Variants in UBE2H observed in about 807,000 individuals in gnomAD.
UBE2H encodes ubiquitin-conjugating enzyme E2 H.
In UBE2H, 3 loss-of-function variants were observed where a neutral mutation model predicts 29.0. That is an observed-to-expected ratio of 0.10 (90% CI 0.05 to 0.27). The LOEUF (loss-of-function observed/expected upper bound fraction) is 0.27. Ranked by LOEUF, UBE2H falls within the 10% of genes least tolerant of loss-of-function variation. UBE2H has a pLI of 1.00. For missense variants in UBE2H, 68 were observed against 228.2 expected (o/e 0.30, Z 4.52); for synonymous variants, 69 against 82.9 (o/e 0.83, Z 0.91).
intron 1 of UBE2H, among the ~76,000 whole-genome samples, chr7:129,930,894 C>G (rs62491534): frequency 1.1e-5 from 1 of 94,982 alleles, no homozygotes; most frequent in Non-Finnish European, 2.0e-5. Flanking sequence ...GGTGAGAGAG[C>G]GAGACCCCGT....
chr7:129,862,507 C>T (rs1805821003), intron 3 of UBE2H, among the ~76,000 whole-genome samples: 1 of 151,994 alleles, frequency 6.6e-6, no homozygotes, highest in South Asian at 2.1e-4. Flanking sequence ...AGGAGGAAAA[C>T]AGAAATGGAA....
At chr7:129,845,751 G>C (rs1368853928) in intron 5 of UBE2H, among the ~76,000 whole-genome samples, 2 of 152,228 alleles carry the variant, frequency 1.3e-5, no homozygotes, top group Admixed American at 6.5e-5. Context: ...AAATCTAAAA[G>C]ACCACAAGTC....
At chr7:129,839,705 G>GT in intron 5 of UBE2H, 5 of 242,580 alleles carry the variant, frequency 2.1e-5, no homozygotes, top group South Asian at 8.9e-5. Context: ...TTTTTGTGGG[G>GT]TTTTTTTGTT....
chr7:129,924,512 G>C (rs1010327205), intron 1 of UBE2H, among the ~76,000 whole-genome samples: 1 of 152,014 alleles, frequency 6.6e-6, no homozygotes, highest in African/African-American at 2.4e-5. Flanking sequence ...TCTGCAAAGA[G>C]AATAAGATTC....
intron 1 of UBE2H, among the ~76,000 whole-genome samples, chr7:129,946,080 T>C (rs1364120099): frequency 3.4e-5 from 5 of 149,196 alleles, no homozygotes; most frequent in African/African-American, 1.2e-4. Context: ...TGAGACGAAG[T>C]CTCACTCTGT....
chr7:129,902,414 T>A (rs945244121), intron 1 of UBE2H, among the ~76,000 whole-genome samples: 1 of 152,116 alleles, frequency 6.6e-6, no homozygotes, highest in Admixed American at 6.5e-5. Flanking sequence ...GGCAGGAGAA[T>A]CGCTTGGACC....
At chr7:129,857,190 TA>T (rs1457883526) in intron 5 of UBE2H, 1 of 240,210 alleles carries the variant, frequency 4.2e-6, no homozygotes, top group Non-Finnish European at 8.0e-6. Context: ...CCAAAATATG[TA>T]TATATTATGT....
At chr7:129,840,867 G>T (rs1298626627) in intron 5 of UBE2H, among the ~76,000 whole-genome samples, 1 of 152,190 alleles carries the variant, frequency 6.6e-6, no homozygotes, top group African/African-American at 2.4e-5. Flanking sequence ...TATTACAGAT[G>T]AATGCTTTGC....
intron 3 of UBE2H, among the ~76,000 whole-genome samples, chr7:129,866,281 T>A (rs1320054023): frequency 6.6e-6 from 1 of 152,094 alleles, no homozygotes; most frequent in Non-Finnish European, 1.5e-5. Context: ...TAATATAGAG[T>A]CTGAGGAATG....
intron 3 of UBE2H, among the ~76,000 whole-genome samples, chr7:129,874,589 G>A (rs1465583204): frequency 2.0e-5 from 3 of 152,174 alleles, no homozygotes; most frequent in Non-Finnish European, 2.9e-5. Context: ...GATTACTGGC[G>A]TGAGCCACCA....
chr7:129,918,162 CAAG>C (rs1789205758), intron 1 of UBE2H, among the ~76,000 whole-genome samples: 1 of 152,154 alleles, frequency 6.6e-6, no homozygotes, highest in Non-Finnish European at 1.5e-5. Flanking sequence ...CCAAAAGCTG[CAAG>C]AAGTCCAAAG....
chr7:129,922,354 C>T lies in UBE2H; in HGVS notation c.53+30149G>A, dbSNP rs182678533. On this transcript the variant is annotated intron_variant, in intron 1 of 6. Transcript: ENST00000355621. ...AGGCTGGAATGCAATGGCATGATCT[C>T]GGCTCACTGTAACCTCTGCCTCTTG... 8.5e-5 allele frequency among the ~76,000 whole-genome samples: 13 copies of T among 152,142 alleles called. No homozygotes were observed. The East Asian group carries it at 2.1e-3, about 25-fold the overall frequency.
chr7:129,878,466 G>A (rs948140100), intron 3 of UBE2H, among the ~76,000 whole-genome samples: 22 of 151,848 alleles, frequency 1.4e-4, no homozygotes, highest in African/African-American at 4.1e-4. Context: ...GGCGGATCAC[G>A]AGGTCAGGAG....
intron 2 of UBE2H, 23 bp downstream of exon 2, chr7:129,880,872 C>T: frequency 6.3e-7 from 1 of 1,589,494 alleles, no homozygotes; most frequent in Non-Finnish European, 8.6e-7. Context: ...AATAGAAGAA[C>T]ACATACCAAC....
At chr7:129,887,929 T>G (rs1234763590) in intron 1 of UBE2H, among the ~76,000 whole-genome samples, 2 of 151,944 alleles carry the variant, frequency 1.3e-5, no homozygotes, top group Non-Finnish European at 2.9e-5. Flanking sequence ...ACCAAAGACT[T>G]TACATTGAAA....
At chr7:129,949,219 A>T in intron 1 of UBE2H, 1 of 319,856 alleles carries the variant, frequency 3.1e-6, no homozygotes, top group South Asian at 2.5e-5. Context: ...GGAGAACTTA[A>T]ACCGATATTC....
intron 1 of UBE2H, among the ~76,000 whole-genome samples, chr7:129,937,733 A>G (rs1289910368): frequency 6.6e-6 from 1 of 152,190 alleles, no homozygotes; most frequent in Non-Finnish European, 1.5e-5. Context: ...CAACCATAAA[A>G]CCAACCTAAC....
At chr7:129,884,979 ATTGT>A (rs932430882) in intron 1 of UBE2H, among the ~76,000 whole-genome samples, 2 of 151,778 alleles carry the variant, frequency 1.3e-5, no homozygotes, top group African/African-American at 4.8e-5. Flanking sequence ...AGGCAGGAAG[ATTGT>A]TTGAGCCTAG....
chr7:129,950,002 C>G (rs1177839734), intron 1 of UBE2H, among the ~76,000 whole-genome samples: 1 of 152,184 alleles, frequency 6.6e-6, no homozygotes, highest in Non-Finnish European at 1.5e-5. Flanking sequence ...CAATTGTACT[C>G]ATTTTAGTAG....
Sources: gnomAD v4.1 joint callset for allele counts (sites outside exome capture counted in the v4.1 genomes callset) on GRCh38, gnomAD v4.1.1 for gene constraint, MANE v1.5 for transcripts, NCBI Gene and HGNC (gene_info 2026-07-23, HGNC 2026-07-21) for gene names.